The following UNC80 variants were observed in gnomAD, a reference collection of about 807,000 sequenced individuals.
UNC80 encodes the protein unc-80 subunit of NALCN channel complex, also known as protein unc-80 homolog.
A neutral mutation model predicts 384.6 loss-of-function variants in UNC80; 164 were observed. The observed-to-expected ratio is 0.43, with a 90% CI of 0.38 to 0.49. The LOEUF is 0.49. Ranked by LOEUF, UNC80 falls within the 20% of genes least tolerant of loss-of-function variation. The pLI is 0.00. For synonymous variants in UNC80, 1,486 were observed against 1,527.8 expected, an observed-to-expected ratio of 0.97 and a Z score of 0.64; for missense variants, 3,330 against 4,143.0, an observed-to-expected ratio of 0.80 and a Z score of 5.39.
chr2:209,872,964 G>T lies in UNC80; in HGVS notation c.3834G>T (p.Trp1278Cys). 6.4e-7 allele frequency: 1 copy of T among 1,551,578 alleles called. No individual in the cohort carries two copies. The highest frequency in any genetic ancestry group is 1.2e-5 in the South Asian group (1 of 84,028). The change falls in exon 23 of 65, where the codon TGG becomes TGT. Residue 1278 changes from tryptophan (W) to cysteine (C), a missense_variant. Around this residue, in one of 8 missense-constraint regions of UNC80, gnomAD observed 801 missense variants for 950.8 expected, o/e 0.84. Coordinates refer to ENST00000673920, the MANE Select transcript of UNC80 (RefSeq NM_001371986.1). The surrounding 1 kb of genome is among the most constrained non-coding windows in gnomAD (Gnocchi z 4.1). ...ATGCAGCCAAGCTCTTCTACCAATG[G>T]GGAGACGTGAGCTTTCGGTTTTCTT... ...QWNAAKLFYQ[W>C]GDAIGVRLNE...
intron 7 of UNC80, among the ~76,000 whole-genome samples, chr2:209,806,182 T>C (rs2078884730): frequency 6.6e-6 from 1 of 152,238 alleles, no homozygotes; most frequent in South Asian, 2.1e-4. Context: ...CATTAGCTTA[T>C]ATTTCTTATA....
chr2:209,811,987 G>A (rs2079384382), intron 7 of UNC80, among the ~76,000 whole-genome samples: 2 of 152,184 alleles, frequency 1.3e-5, no homozygotes, highest in African/African-American at 2.4e-5. Context: ...TGGTCATTAA[G>A]TGAGACAAAA....
At chr2:209,849,671 C>T (rs912622778) in intron 22 of UNC80, 48 bp downstream of exon 22, 1 of 1,526,620 alleles carries the variant, frequency 6.6e-7, no homozygotes, top group Middle Eastern at 1.8e-4. Context: ...TCCCAAGTAG[C>T]ACTATTAACA....
chr2:209,943,569 A>C, intron 45 of UNC80, 55 bp downstream of exon 45: 1 of 1,543,680 alleles, frequency 6.5e-7, no homozygotes, highest in Non-Finnish European at 8.8e-7. Flanking sequence ...AGAAAAGCAA[A>C]GGTTATTTAT....
chr2:209,953,843 T>C (rs1575128161), intron 47 of UNC80, among the ~76,000 whole-genome samples: 1 of 152,240 alleles, frequency 6.6e-6, no homozygotes. Context: ...CATTTATTTG[T>C]ATATATGGCT....
chr2:209,921,523 G>T lies in UNC80; in HGVS notation c.5367G>T (p.Val1789=). ...AGAAATCCTTTTCAGCCCGGGCTGT[G>T]TCCCGCTCCCATCAAAGGGCAGAAC... is the stretch of plus-strand genomic sequence containing the variant. ...DQSKSFSARA[V]SRSHQRAEHI... The change falls in exon 34 of 65, where the codon GTG becomes GTT. Residue 1789 remains valine, a synonymous_variant. Transcript: ENST00000673920. The T allele has an allele frequency of 6.4e-7, 1 of 1,551,572 alleles. No homozygotes were observed. The highest frequency in any genetic ancestry group is 8.7e-7 in the Non-Finnish European group (1 of 1,146,934).
intron 13 of UNC80, among the ~76,000 whole-genome samples, chr2:209,823,049 T>C (rs2080253639): frequency 6.6e-6 from 1 of 152,210 alleles, no homozygotes; most frequent in Admixed American, 6.5e-5. Context: ...TTATCTTCAG[T>C]GGAATCAGAA....
chr2:209,921,349 A>G, intron 33 of UNC80, 151 bp from the exon 34 acceptor site: 2 of 757,606 alleles, frequency 2.6e-6, no homozygotes, highest in South Asian at 3.2e-5. Flanking sequence ...AATTTGGTAA[A>G]AGGACAAATA....
At chr2:209,889,080 A>G (rs939143118) in intron 26 of UNC80, among the ~76,000 whole-genome samples, 4 of 152,214 alleles carry the variant, frequency 2.6e-5, no homozygotes, top group Non-Finnish European at 5.9e-5. Flanking sequence ...GTCTTTCTGC[A>G]TTGCTAAATG....
intron 36 of UNC80, 150 bp downstream of exon 36, chr2:209,927,136 G>A (rs1167234712): frequency 1.1e-5 from 10 of 945,602 alleles, no homozygotes; most frequent in Admixed American, 2.8e-5. Context: ...AACATACTGC[G>A]CTAACAGTAT....
Position 209,995,345 on chromosome 2 carries a change from C to T in UNC80, c.9725C>T (p.Thr3242Ile). Residue 3242 changes from threonine to isoleucine, a missense_variant, in exon 65 of 65, where the codon ACT (threonine) becomes ATT (isoleucine). Thr to Ile is a moderately conservative substitution (Grantham distance 89, BLOSUM62 -1). Transcript: ENST00000673920. ...VSPKQSENFP[T>I]EEGEKEEDTE... ...TGATCACAGAGTGAGAACTTCCCCA[C>T]TGAAGAAGGAGAAAAGGAGGAGGAC... 6.4e-7 allele frequency: 1 copy of T among 1,552,222 alleles called. No individual in the cohort carries two copies. Among genetic ancestry groups the T allele is most frequent in the South Asian group, 1.2e-5 (1 of 84,062 alleles).
intron 7 of UNC80, among the ~76,000 whole-genome samples, chr2:209,800,632 C>G (rs1387731748): frequency 1.3e-5 from 2 of 152,044 alleles, no homozygotes; most frequent in East Asian, 3.9e-4. Context: ...CTTTCTAGCT[C>G]TTTTAATTGT....
chr2:209,895,335 A>C (rs993615438), intron 27 of UNC80, among the ~76,000 whole-genome samples: 1 of 152,240 alleles, frequency 6.6e-6, no homozygotes, highest in Admixed American at 6.5e-5. Flanking sequence ...AGTCAGCAAG[A>C]AGTGTGGATA....
At chr2:209,792,589 C>T (rs961339817) in intron 6 of UNC80, among the ~76,000 whole-genome samples, 2 of 152,118 alleles carry the variant, frequency 1.3e-5, no homozygotes, top group African/African-American at 2.4e-5. Context: ...CCTCGTGATC[C>T]GCCCACCTCT....
At chr2:209,854,420 G>A (rs571402586) in intron 22 of UNC80, among the ~76,000 whole-genome samples, 2 of 152,072 alleles carry the variant, frequency 1.3e-5, no homozygotes, top group African/African-American at 2.4e-5. Flanking sequence ...TTGAATCTAT[G>A]TCTTGGCTAT....
intron 29 of UNC80, among the ~76,000 whole-genome samples, chr2:209,909,310 A>G (rs898148829): frequency 2.6e-5 from 4 of 152,200 alleles, no homozygotes; most frequent in African/African-American, 9.6e-5. Context: ...AACTTGTTCA[A>G]ACAATTAGGG....
intron 56 of UNC80, among the ~76,000 whole-genome samples, chr2:209,975,779 T>C (rs1385831308): frequency 6.6e-6 from 1 of 152,228 alleles, no homozygotes; most frequent in Non-Finnish European, 1.5e-5. Flanking sequence ...GATAAAACTT[T>C]TGGAAGGTAA....
intron 25 of UNC80, among the ~76,000 whole-genome samples, chr2:209,886,353 G>T (rs1464063924): frequency 6.6e-6 from 1 of 151,676 alleles, no homozygotes; most frequent in Non-Finnish European, 1.5e-5. Context: ...TGAGGTGGGA[G>T]GATCACTTGA....
chr2:209,936,847 T>A lies in UNC80; in HGVS notation c.6277T>A (p.Cys2093Ser), dbSNP rs914043351. 6.5e-7 allele frequency: 1 copy of A among 1,543,710 alleles called. No homozygotes were observed. Among genetic ancestry groups the A allele is most frequent in the African/African-American group, 1.4e-5 (1 of 72,810 alleles). ...AAATTTGTTGCTATTGTTCTAGGAG[T>A]GTCTGGAGTTTTTTAATATCCCAGA... ...DTQFEALLKE[C>S]LEFFNIPESQ... is the part of the protein sequence containing the mutation. The change falls in exon 41 of 65, where the codon TGT (cysteine) becomes AGT (serine). Residue 2093 changes from cysteine (C) to serine (S), a missense_variant. Physicochemically the swap from Cys to Ser is moderately radical, Grantham distance 112. Around this residue, in one of 8 missense-constraint regions of UNC80, gnomAD observed 1,049 missense variants for 1,488.6 expected, o/e 0.70. Coordinates refer to ENST00000673920, the MANE Select transcript of UNC80 (RefSeq NM_001371986.1).
Sources: allele counts gnomAD v4.1 joint callset (sites outside exome capture counted in the v4.1 genomes callset), GRCh38; gene constraint gnomAD v4.1.1; regional missense constraint gnomAD v4.1.1; non-coding constraint Gnocchi (gnomAD v3.1); transcripts MANE v1.5; gene names NCBI Gene and HGNC (gene_info 2026-07-23, HGNC 2026-07-21).